Variants in ZNF408 observed in about 807,000 individuals in gnomAD.
ZNF408 encodes zinc finger protein 408.
ZNF408 carries 24 observed loss-of-function variants against 27.6 expected under a neutral mutation model. That is an observed-to-expected ratio of 0.87 (90% CI 0.63 to 1.22). The LOEUF (loss-of-function observed/expected upper bound fraction) is 1.22. Ranked by LOEUF, ZNF408 falls within the 50% of genes most tolerant of loss-of-function variation. The pLI, the probability that ZNF408 is intolerant of heterozygous loss-of-function variation, is 0.00. For missense variants in ZNF408, 897 were observed against 949.0 expected, an observed-to-expected ratio of 0.95 and a Z score of 0.72; for synonymous variants, 410 against 396.1, an observed-to-expected ratio of 1.04 and a Z score of -0.42.
In ZNF408 at chr11:46,701,573, G is replaced by A; in HGVS notation, c.227G>A (p.Trp76Ter). ...GCCAAGGAACAGCGCTTGGGGGTCT[G>A]GTGTGTCGGGGACCCCCTGCAGCCC... ...SLAKEQRLGV[W>*]CVGDPLQPGL... is the part of the protein sequence containing the mutation. The change falls in exon 2 of 5, where the codon TGG becomes TAG. Residue 76 changes from tryptophan (W) to a stop codon, truncating the protein, a stop_gained. Coordinates refer to ENST00000311764, the MANE Select transcript of ZNF408 (RefSeq NM_024741.3). LOFTEE classifies it high-confidence loss of function. The A allele has an allele frequency of 6.2e-7, 1 of 1,613,202 alleles. No individual in the cohort carries two copies.
intron 1 of ZNF408, 33 bp from the exon 2 acceptor site, chr11:46,701,360 CTTGGGT>C (rs752241132): frequency 1.2e-6 from 2 of 1,603,232 alleles, no homozygotes; most frequent in Non-Finnish European, 1.7e-6. Context: ...CTCCCACCTT[CTTGGGT>C]GGCTCCCTCA....
Position 46,704,667 on chromosome 11 carries a change from C to T in ZNF408, c.967C>T (p.Pro323Ser), listed in dbSNP as rs753831885. The T allele has an allele frequency of 6.2e-7, 1 of 1,613,618 alleles. No individual in the cohort carries two copies. The highest frequency in any genetic ancestry group is 1.3e-5 in the African/African-American group (1 of 74,920). The part of the protein sequence containing the change: ...SDQCPPRAKT[P>S]EPGAQQSGFP... The stretch of plus-strand genomic sequence containing the variant: ...TCAGTGCCCACCCAGAGCAAAGACC[C>T]CAGAGCCTGGAGCCCAGCAGTCTGG... The change falls in exon 5 of 5, where the codon CCA becomes TCA. Residue 323 changes from proline (P) to serine (S), a missense_variant. By Grantham distance (74) the Pro-to-Ser change is moderately conservative. Coordinates refer to ENST00000311764, the MANE Select transcript of ZNF408 (RefSeq NM_024741.3).
rs777820064 is a variant in ZNF408, at chr11:46,702,690, T to G, written c.331-14T>G. On this transcript the variant is annotated splice_polypyrimidine_tract_variant and intron_variant, in intron 2 of 4. Coordinates refer to ENST00000311764, the MANE Select transcript of ZNF408 (RefSeq NM_024741.3). Reference sequence around the variant, plus strand: ...CGAACACATTTGAGAAGGACTTTTGTTGGTTTATTTCAGAACCTGTCATTA... The same window carrying G: ...CGAACACATTTGAGAAGGACTTTTGGTGGTTTATTTCAGAACCTGTCATTA... 1 of 1,612,906 alleles carries G rather than the reference T, an allele frequency of 6.2e-7. No homozygotes were observed. Among genetic ancestry groups the G allele is most frequent in the Non-Finnish European group, 8.5e-7 (1 of 1,178,986 alleles).
At position 46,701,585 on chromosome 11, in the gene ZNF408, A is replaced by G. The variant is rs1592397508; in HGVS notation, c.239A>G (p.Asp80Gly). ...EQRLGVWCVG[D>G]PLQPGLLWGP... ...CGCTTGGGGGTCTGGTGTGTCGGGG[A>G]CCCCCTGCAGCCCGGCCTGCTGTGG... Residue 80 changes from aspartate (D) to glycine (G), a missense_variant, in exon 2 of 5, where the codon GAC becomes GGC. Transcript: ENST00000311764. 1.2e-6 allele frequency: 2 copies of G among 1,611,788 alleles called. No individual in the cohort carries two copies. Among genetic ancestry groups the G allele is most frequent in the Non-Finnish European group, 1.7e-6 (2 of 1,179,244 alleles).
chr11:46,701,031 A>G lies in ZNF408; in HGVS notation c.-17A>G, dbSNP rs2064699279. The G allele has an allele frequency of 6.2e-7, 1 of 1,613,484 alleles. No individual in the cohort carries two copies. The highest frequency in any genetic ancestry group is 1.3e-5 in the African/African-American group (1 of 74,880). On this transcript the variant is annotated 5_prime_UTR_variant, in exon 1 of 5. Transcript: ENST00000311764. ...GAGGAAGCTCACTTCCGGCGTAGGG[A>G]GGCTTTCTGACCCGGAATGGAGGAG... is the stretch of plus-strand genomic sequence containing the variant.
chr11:46,701,267 G>A (rs557309833), intron 1 of ZNF408, 132 bp from the exon 2 acceptor site: 2 of 1,561,876 alleles, frequency 1.3e-6, no homozygotes, highest in African/African-American at 2.7e-5. Flanking sequence ...AAAACTTTCA[G>A]GGCCCTCCTT....
rs201062665 is a variant in ZNF408 at position 46,701,099 on chromosome 11, G to A, written c.52G>A (p.Ala18Thr). The A allele has an allele frequency of 3.7e-5, 59 of 1,614,034 alleles. No homozygotes were observed. The African/African-American group carries it at 5.9e-4, about 16-fold the overall frequency. The change falls in exon 1 of 5, where the codon GCC becomes ACC. Residue 18 changes from alanine (A) to threonine (T), a missense_variant and splice_region_variant. By Grantham distance (58) the Ala-to-Thr change is moderately conservative. Transcript: ENST00000311764. ...LLEGKKALQL[A>T]REPRLGLDLG... is the part of the protein sequence containing the mutation. ...GGAGGGGAAGAAGGCGCTGCAACTC[G>A]GTGAGTGACCTGCGATGTCCGCGAC...
chr11:46,705,091 C>T lies in ZNF408; in HGVS notation c.1391C>T (p.Ala464Val). The T allele has an allele frequency of 1.2e-6, 2 of 1,612,434 alleles. No homozygotes were observed. Among genetic ancestry groups the T allele is most frequent in the Admixed American group, 1.7e-5 (1 of 60,018 alleles). Reference sequence around the variant, plus strand: ...CGCAAGACCCACCAGGTGCCAGCTGCCCCTGCCCCTTGCCCATGCCCTGTG... The same window carrying T: ...CGCAAGACCCACCAGGTGCCAGCTGTCCCTGCCCCTTGCCCATGCCCTGTG... ...LHRKTHQVPA[A>V]PAPCPCPVCG... Residue 464 changes from alanine (A) to valine (V), a missense_variant, in exon 5 of 5, where the codon GCC becomes GTC. Transcript: ENST00000311764. The surrounding 1 kb of genome is among the most constrained non-coding windows in gnomAD (Gnocchi z 6.5).
At position 46,701,104 on chromosome 11, in the gene ZNF408, G is replaced by C. The variant is rs746564205; in HGVS notation, c.52+5G>C. Reference sequence around the variant, plus strand: ...GGAAGAAGGCGCTGCAACTCGGTGAGTGACCTGCGATGTCCGCGACCCTCA... The same window carrying C: ...GGAAGAAGGCGCTGCAACTCGGTGACTGACCTGCGATGTCCGCGACCCTCA... On this transcript the variant is annotated splice_donor_5th_base_variant and intron_variant, in intron 1 of 4. Transcript: ENST00000311764. 2 of 1,614,148 alleles carry C rather than the reference G, an allele frequency of 1.2e-6. No homozygotes were observed. The highest frequency in any genetic ancestry group is 1.7e-5 in the Admixed American group (1 of 60,016).
rs765344131 is a variant in ZNF408 at position 46,702,765 on chromosome 11, G to C, written c.392G>C (p.Ser131Thr). The C allele has an allele frequency of 1.5e-5, 25 of 1,614,046 alleles. No individual in the cohort carries two copies. The highest frequency in any genetic ancestry group is 1.9e-5 in the Non-Finnish European group (23 of 1,180,016). ...TGTGAGCAGAGTTCTGGCTGGACTA[G>C]GTAAGTCAGAGGAGAGTGTGTCGTT... ...CACEQSSGWT[S>T]LVQRGRLESE... The change falls in exon 3 of 5, where the codon AGC becomes ACC. Residue 131 changes from serine to threonine, a missense_variant and splice_region_variant. By Grantham distance (58) the Ser-to-Thr change is moderately conservative (BLOSUM62 1). Transcript: ENST00000311764.
rs2064745539 is a variant in ZNF408, at chr11:46,705,520, A to G, written c.1820A>G (p.Tyr607Cys). ...HLKSHLEDKP[Y>C]RCPTCGMGYT... The stretch of plus-strand genomic sequence containing the variant: ...AAATCTCACTTGGAGGACAAGCCCT[A>G]CCGCTGCCCCACCTGTGGCATGGGC... Residue 607 changes from tyrosine (Y) to cysteine (C), a missense_variant, in exon 5 of 5, where the codon TAC (tyrosine) becomes TGC (cysteine). By Grantham distance (194) the Tyr-to-Cys change is radical. Transcript: ENST00000311764. This position sits in a 1 kb window ranked among gnomAD's most constrained non-coding sequence, Gnocchi z 6.5. 1 of 1,604,704 alleles carries G rather than the reference A, an allele frequency of 6.2e-7. No individual in the cohort carries two copies. Among genetic ancestry groups the G allele is most frequent in the East Asian group, 2.2e-5 (1 of 44,878 alleles).
chr11:46,703,755 G>GTT lies in ZNF408; in HGVS notation c.652+513_652+514dup, dbSNP rs1214759940. Among the ~76,000 whole-genome samples, 18 of 110,192 alleles carry GTT rather than the reference G, an allele frequency of 1.6e-4. 1 individual carries two copies. Among genetic ancestry groups the GTT allele is most frequent in the African/African-American group, 6.9e-4 (17 of 24,488 alleles). The allele number at this position is 110,192 out of a possible 152,430, so 72.3% of individuals were successfully genotyped here. ...TGTTTTGTTTTGTTTTGTTGTTGTT[G>GTT]TTGTTGTTGTTGTTGTTTTTTTTTT... On this transcript the variant is annotated intron_variant, in intron 4 of 4. Transcript: ENST00000311764.
In ZNF408 at chr11:46,704,534, T is replaced by C. The variant is rs1827655665; in HGVS notation, c.834T>C (p.Asn278=). ...QAQMPPELQS[N]SATQQDPDGS... ...AGATGCCACCTGAACTTCAGAGCAA[T>C]TCGGCTACCCAGCAGGACCCAGATG... Residue 278 remains asparagine (N), a synonymous_variant, in exon 5 of 5, where the codon AAT becomes AAC. Transcript: ENST00000311764. 1.2e-6 allele frequency: 2 copies of C among 1,613,738 alleles called. No individual in the cohort carries two copies. Among genetic ancestry groups the C allele is most frequent in the Non-Finnish European group, 1.7e-6 (2 of 1,179,988 alleles).
Position 46,703,172 on chromosome 11 carries a change from T to G in ZNF408, c.581T>G (p.Val194Gly), listed in dbSNP as rs145722187. 12 of 1,155,708 alleles carry G rather than the reference T, an allele frequency of 1.0e-5. No individual in the cohort carries two copies. Among genetic ancestry groups the G allele is most frequent in the Non-Finnish European group, 1.4e-5 (12 of 880,100 alleles). The allele number at this position is 1,155,708 out of a possible 1,614,324, so 71.6% of individuals were successfully genotyped here. ...GLDKEAAVAV[V>G]TEVESAVQQE... ...GACAAAGAGGCAGCTGTAGCAGTGGTGACAGAAGTGGAGTCTGCTGTACAG... is the reference window on the plus strand; with the variant it reads ...GACAAAGAGGCAGCTGTAGCAGTGGGGACAGAAGTGGAGTCTGCTGTACAG... Residue 194 changes from valine to glycine, a missense_variant, in exon 4 of 5, where the codon GTG (valine) becomes GGG (glycine). By Grantham distance (109) the Val-to-Gly change is moderately radical. Coordinates refer to ENST00000311764, the MANE Select transcript of ZNF408 (RefSeq NM_024741.3).
chr11:46,705,212 G>A lies in ZNF408; in HGVS notation c.1512G>A (p.Ala504=), dbSNP rs547503346. The A allele has an allele frequency of 1.3e-5, 21 of 1,611,858 alleles. No individual in the cohort carries two copies. Among genetic ancestry groups the A allele is most frequent in the Middle Eastern group, 1.6e-4 (1 of 6,062 alleles). ...TCCTGTGCCCGCACTGTGGCCGGGC[G>A]TTTCGTCAGCGGGGCAACCTGCGTG... The part of the protein sequence containing the change: ...KPFLCPHCGR[A]FRQRGNLRGH... The change falls in exon 5 of 5, where the codon GCG becomes GCA. Residue 504 remains alanine (A), a synonymous_variant. Coordinates refer to ENST00000311764, the MANE Select transcript of ZNF408 (RefSeq NM_024741.3). This position sits in a 1 kb window ranked among gnomAD's most constrained non-coding sequence, Gnocchi z 6.5.
Position 46,701,186 on chromosome 11 carries a change from C to G in ZNF408, c.52+87C>G. ...GTCAGCTTTCTCCTCAGTCTTCTCT[C>G]CTCCGGATCCCAGGATCCTCCAGTG... is the stretch of plus-strand genomic sequence containing the variant. On this transcript the variant is annotated intron_variant, in intron 1 of 4. Transcript: ENST00000311764. The G allele has an allele frequency of 5.6e-6, 9 of 1,605,766 alleles. No individual in the cohort carries two copies. In the South Asian group the frequency reaches 8.8e-5, roughly 16 times the overall value.
In ZNF408 at chr11:46,705,422, C is replaced by T. The variant is rs756044637; in HGVS notation, c.1722C>T (p.Ser574=). ...HTLRAHERLH[S]GERPFPCPQC... is the part of the protein sequence containing the mutation. Reference sequence around the variant, plus strand: ...TCCGAGCTCACGAGCGCCTGCACTCCGGAGAGAGGCCCTTTCCCTGTCCCC... The same window carrying T: ...TCCGAGCTCACGAGCGCCTGCACTCTGGAGAGAGGCCCTTTCCCTGTCCCC... The change falls in exon 5 of 5, where the codon TCC becomes TCT. Residue 574 remains serine (S), a synonymous_variant. Coordinates refer to ENST00000311764, the MANE Select transcript of ZNF408 (RefSeq NM_024741.3). The surrounding 1 kb of genome is among the most constrained non-coding windows in gnomAD (Gnocchi z 6.5). 1.7e-5 allele frequency: 28 copies of T among 1,607,972 alleles called. No homozygotes were observed. Among genetic ancestry groups the T allele is most frequent in the African/African-American group, 4.0e-5 (3 of 74,900 alleles).
intron 1 of ZNF408, 120 bp downstream of exon 1, chr11:46,701,219 A>C (rs2064701677): frequency 1.3e-6 from 2 of 1,573,862 alleles, no homozygotes; most frequent in Non-Finnish European, 1.7e-6. Context: ...GTGCCCTCAG[A>C]GTCGCTGGGG....
In ZNF408 at chr11:46,705,081, G is replaced by C. The variant is rs745757511; in HGVS notation, c.1381G>C (p.Val461Leu). The C allele has an allele frequency of 1.9e-6, 3 of 1,612,640 alleles. No individual in the cohort carries two copies. Among genetic ancestry groups the C allele is most frequent in the African/African-American group, 1.3e-5 (1 of 75,068 alleles). ...SLRLHRKTHQ[V>L]PAAPAPCPCP... is the part of the protein sequence containing the mutation. ...GCGGCTGCATCGCAAGACCCACCAG[G>C]TGCCAGCTGCCCCTGCCCCTTGCCC... Residue 461 changes from valine (V) to leucine (L), a missense_variant, in exon 5 of 5, where the codon GTG becomes CTG. Coordinates refer to ENST00000311764, the MANE Select transcript of ZNF408 (RefSeq NM_024741.3). This position sits in a 1 kb window ranked among gnomAD's most constrained non-coding sequence, Gnocchi z 6.5.
Sources: gnomAD v4.1 joint callset for allele counts (sites outside exome capture counted in the v4.1 genomes callset) on GRCh38, gnomAD v4.1.1 for gene constraint, Gnocchi (gnomAD v3.1) non-coding constraint, MANE v1.5 for transcripts, NCBI Gene and HGNC (gene_info 2026-07-23, HGNC 2026-07-21) for gene names.